The following EBF3 variants were observed in gnomAD, a reference collection of about 807,000 sequenced individuals.
The protein encoded by EBF3 is transcription factor COE3.
EBF3 carries 18 observed loss-of-function variants against 77.1 expected under a neutral mutation model. The observed-to-expected ratio is 0.23, with a 90% CI of 0.16 to 0.35. The LOEUF (loss-of-function observed/expected upper bound fraction) is 0.35, where lower values mean the gene tolerates loss of function less well. Ranked by LOEUF, EBF3 falls within the 10% of genes least tolerant of loss-of-function variation. The pLI, the probability that EBF3 is intolerant of heterozygous loss-of-function variation, is 1.00. For missense variants in EBF3, 558 were observed against 860.0 expected (o/e 0.65, Z 4.39); for synonymous variants, 350 against 343.5 (o/e 1.02, Z -0.21).
intron 6 of EBF3, among the ~76,000 whole-genome samples, chr10:129,883,263 C>T (rs555134891): frequency 2.1e-4 from 32 of 152,298 alleles, no homozygotes; most frequent in African/African-American, 6.5e-4. Flanking sequence ...CTCCTAGGTG[C>T]GCGCCTACCC....
rs1355523055 is a variant in EBF3, at chr10:129,943,836, T to C, written c.554+13422A>G. Among the ~76,000 whole-genome samples, 1 of 152,182 alleles carries C rather than the reference T, an allele frequency of 6.6e-6. No homozygotes were observed. The highest frequency in any genetic ancestry group is 1.5e-5 in the Non-Finnish European group (1 of 68,038). ...TGAGCAGTTTTTTTCTGTGCTGAGC[T>C]CTCTGGAACCATATGTTCAGCAACG... On this transcript the variant is annotated intron_variant, in intron 6 of 16. Coordinates refer to ENST00000440978, the MANE Select transcript of EBF3 (RefSeq NM_001375380.1). The surrounding 1 kb of genome is among the most constrained non-coding windows in gnomAD (Gnocchi z 8.8).
At position 129,963,731 on chromosome 10, in the gene EBF3, GT is replaced by G; in HGVS notation, c.37del (p.Thr13ArgfsTer3). 1 of 1,534,846 alleles carries G rather than the reference GT, an allele frequency of 6.5e-7. No individual in the cohort carries two copies. The highest frequency in any genetic ancestry group is 8.8e-7 in the Non-Finnish European group (1 of 1,133,674). On this transcript the variant is annotated frameshift_variant, in exon 1 of 17. Coordinates refer to ENST00000440978, the MANE Select transcript of EBF3 (RefSeq NM_001375380.1). LOFTEE classifies it high-confidence loss of function. This position sits in a 1 kb window ranked among gnomAD's most constrained non-coding sequence, Gnocchi z 7.1. ...GCCCAGCGGCTCCTCCTTCATGGTC[GT>G]CCCCCCGCGCGGAATATTCTCCTGA... ...GIQENIPRGG[T>X]TMKEEPLGSG...
In EBF3 at chr10:129,842,012, C is replaced by T. The variant is rs879275737; in HGVS notation, c.1372+104G>A. 13 of 1,452,522 alleles carry T rather than the reference C, an allele frequency of 8.9e-6. No homozygotes were observed. Among genetic ancestry groups the T allele is most frequent in the Middle Eastern group, 1.9e-4 (1 of 5,354 alleles). 90.0% of individuals were successfully genotyped at this position (1,452,522 alleles called of 1,614,324 possible). ...CAGAGCCAGAGAGAACAGAACGCTA[C>T]GGACATTCCCCAGCTGGCCCTGGAC... On this transcript the variant is annotated intron_variant, in intron 13 of 16. Transcript: ENST00000440978. This position sits in a 1 kb window ranked among gnomAD's most constrained non-coding sequence, Gnocchi z 4.4.
chr10:129,863,565 G>A lies in EBF3; in HGVS notation c.1039+3576C>T, dbSNP rs576680810. Among the ~76,000 whole-genome samples the A allele has an allele frequency of 7.2e-5, 11 of 152,302 alleles. No homozygotes were observed. The highest frequency in any genetic ancestry group is 1.0e-4 in the Non-Finnish European group (7 of 68,032). ...AGCCCTCCGCCTGGCGGCCCCAGCC[G>A]GCCTCACGTGGGGAAGGTTAAATGT... is the stretch of plus-strand genomic sequence containing the variant. On this transcript the variant is annotated intron_variant, in intron 10 of 16. Transcript: ENST00000440978. This position sits in a 1 kb window ranked among gnomAD's most constrained non-coding sequence, Gnocchi z 4.0.
At chr10:129,852,188 C>T (rs1166092649) in intron 10 of EBF3, among the ~76,000 whole-genome samples, 2 of 152,200 alleles carry the variant, frequency 1.3e-5, no homozygotes, top group Non-Finnish European at 2.9e-5. Flanking sequence ...GCTGGAATAG[C>T]CTACAGCTCG....
chr10:129,873,456 T>C lies in EBF3; in HGVS notation c.777A>G (p.Glu259=). 1 of 1,530,588 alleles carries C rather than the reference T, an allele frequency of 6.5e-7. No homozygotes were observed. 94.8% of individuals were successfully genotyped at this position (1,530,588 alleles called of 1,614,324 possible). A position where few individuals can be genotyped will look rare whatever the true frequency, so the allele number is the denominator to read the frequency against. The change falls in exon 8 of 17, where the codon GAA becomes GAG. Residue 259 remains glutamate, a synonymous_variant. Coordinates refer to ENST00000440978, the MANE Select transcript of EBF3 (RefSeq NM_001375380.1). ...PSEGTAPSYL[E]NATPCIKAIS... ...AGACATGTAACATGTGCCTACCATT[T>C]TCCAGATAAGAAGGGGCCGTACCTT...
intron 6 of EBF3, among the ~76,000 whole-genome samples, chr10:129,900,559 C>T (rs936269202): frequency 2.6e-5 from 4 of 152,210 alleles, no homozygotes; most frequent in African/African-American, 9.6e-5. Context: ...CTGGGCAACC[C>T]CCAGTGCCCT....
At chr10:129,839,226 G>A (rs1330694450) in intron 15 of EBF3, 31 bp from the exon 16 acceptor site, 2 of 987,138 alleles carry the variant, frequency 2.0e-6, no homozygotes, top group Non-Finnish European at 2.9e-6. Context: ...AGTAAATACT[G>A]GTTGAATGGG....
chr10:129,953,047 GAAGAAGAAGAAGAAAGAAAGAA>G (rs1202460230), intron 6 of EBF3, among the ~76,000 whole-genome samples: 1 of 145,696 alleles, frequency 6.9e-6, no homozygotes, highest in East Asian at 2.0e-4. Flanking sequence ...AAAAAAAAAA[GAAGAAGAAGAAGAAAGAAAGAA>G]AAGAAAGAAG....
intron 7 of EBF3, among the ~76,000 whole-genome samples, chr10:129,876,438 G>A (rs1345226247): frequency 6.6e-6 from 1 of 152,244 alleles, no homozygotes; most frequent in Non-Finnish European, 1.5e-5. Context: ...AGCCTAGTGC[G>A]TGACAAATGG....
At position 129,842,279 on chromosome 10, in the gene EBF3, C is replaced by T. The variant is rs1338646144; in HGVS notation, c.1209G>A (p.Lys403=). The change falls in exon 13 of 17, where the codon AAG becomes AAA. Residue 403 remains lysine, a synonymous_variant. Coordinates refer to ENST00000440978, the MANE Select transcript of EBF3 (RefSeq NM_001375380.1). The surrounding 1 kb of genome is among the most constrained non-coding windows in gnomAD (Gnocchi z 4.4). The part of the protein sequence containing the change: ...MPHNNQEIIL[K]RAADIAEALY... The stretch of plus-strand genomic sequence containing the variant: ...GCGCCTCGGCGATGTCCGCCGCTCG[C>T]TTCAAGATGATCTCCTGCAGCAGGA... 2 of 1,593,538 alleles carry T rather than the reference C, an allele frequency of 1.3e-6. No homozygotes were observed.
Position 129,841,484 on chromosome 10 carries a change from G to A in EBF3, c.1373-452C>T, listed in dbSNP as rs566016314. Among the ~76,000 whole-genome samples, 11 of 152,302 alleles carry A rather than the reference G, an allele frequency of 7.2e-5. No individual in the cohort carries two copies. The highest frequency in any genetic ancestry group is 3.9e-4 in the Admixed American group (6 of 15,300). The stretch of plus-strand genomic sequence containing the variant: ...GGTTGTTATTTCTATACATGGGGGC[G>A]TTCGGGGGACATGGAAGCTTCATTC... On this transcript the variant is annotated intron_variant, in intron 13 of 16. Transcript: ENST00000440978. This position sits in a 1 kb window ranked among gnomAD's most constrained non-coding sequence, Gnocchi z 4.6.
rs140060403 is a variant in EBF3, at chr10:129,877,952, C to T, written c.555-103G>A. On this transcript the variant is annotated intron_variant, in intron 6 of 16. Transcript: ENST00000440978. ...GCAGGGAGGAGTGGAGACTCAACCCCACAGCTTCCACACTTCCCTCTAGGG... is the reference window on the plus strand; with the variant it reads ...GCAGGGAGGAGTGGAGACTCAACCCTACAGCTTCCACACTTCCCTCTAGGG... 385 of 835,870 alleles carry T rather than the reference C, an allele frequency of 4.6e-4. 4 individuals are homozygous for T. In the African/African-American group the frequency reaches 5.8e-3, roughly 13 times the overall value. 51.8% of individuals were successfully genotyped at this position (835,870 alleles called of 1,614,324 possible).
rs80263055 is a variant in EBF3, at chr10:129,864,176, C to A, written c.1039+2965G>T. Among the ~76,000 whole-genome samples, 53 of 152,132 alleles carry A rather than the reference C, an allele frequency of 3.5e-4. 1 individual carries two copies. Among genetic ancestry groups the A allele is most frequent in the African/African-American group, 1.1e-3 (47 of 41,430 alleles). The stretch of plus-strand genomic sequence containing the variant: ...GGATATCCCTGGCCAAGGAAGGCAT[C>A]CTACCTGGCTGGAGGGCAACAGGAA... On this transcript the variant is annotated intron_variant, in intron 10 of 16. Coordinates refer to ENST00000440978, the MANE Select transcript of EBF3 (RefSeq NM_001375380.1). This position sits in a 1 kb window ranked among gnomAD's most constrained non-coding sequence, Gnocchi z 4.4.
At position 129,870,786 on chromosome 10, in the gene EBF3, G is replaced by GT. The variant is rs570043140; in HGVS notation, c.781+2665dup. On this transcript the variant is annotated intron_variant, in intron 8 of 16. Coordinates refer to ENST00000440978, the MANE Select transcript of EBF3 (RefSeq NM_001375380.1). This position sits in a 1 kb window ranked among gnomAD's most constrained non-coding sequence, Gnocchi z 4.4. ...CCGTGTTGGAGACCCATATCTTTGG[G>GT]TTTTTTTCCTTTCTTTTGGGGTCTC... 2.8e-3 allele frequency among the ~76,000 whole-genome samples: 421 copies of GT among 152,140 alleles called. 1 individual carries two copies. The highest frequency in any genetic ancestry group is 9.7e-3 in the African/African-American group (402 of 41,496).
chr10:129,898,634 T>C (rs536715742), intron 6 of EBF3, among the ~76,000 whole-genome samples: 1 of 152,346 alleles, frequency 6.6e-6, no homozygotes, highest in East Asian at 1.9e-4. Context: ...ACTAAACTGT[T>C]GGGATGGGCA....
intron 6 of EBF3, among the ~76,000 whole-genome samples, chr10:129,954,680 T>C (rs945489922): frequency 6.6e-6 from 1 of 152,138 alleles, no homozygotes; most frequent in African/African-American, 2.4e-5. Context: ...TTGGTTTATA[T>C]CCTCAGGACA....
chr10:129,945,471 G>T (rs529611252), intron 6 of EBF3, among the ~76,000 whole-genome samples: 6 of 152,170 alleles, frequency 3.9e-5, no homozygotes, highest in African/African-American at 1.4e-4. Context: ...CACGGATTCC[G>T]TACAGTCCTC....
chr10:129,948,448 G>A (rs892621157), intron 6 of EBF3, among the ~76,000 whole-genome samples: 1 of 152,062 alleles, frequency 6.6e-6, no homozygotes, highest in Non-Finnish European at 1.5e-5. Context: ...TATTCTGCAC[G>A]GCACTGCGAT....
Sources: allele counts gnomAD v4.1 joint callset (sites outside exome capture counted in the v4.1 genomes callset), GRCh38; gene constraint gnomAD v4.1.1; non-coding constraint Gnocchi (gnomAD v3.1); transcripts MANE v1.5; gene names NCBI Gene and HGNC (gene_info 2026-07-23, HGNC 2026-07-21).